Variants in SIPA1L3 observed in about 807,000 individuals in gnomAD.
The protein encoded by SIPA1L3 is signal-induced proliferation-associated 1-like protein 3.
In SIPA1L3, 59 loss-of-function variants were observed where a neutral mutation model predicts 150.1. The observed-to-expected ratio is 0.39, with a 90% CI of 0.32 to 0.49. The LOEUF (loss-of-function observed/expected upper bound fraction) is 0.49, where lower values mean the gene tolerates loss of function less well. Ranked by LOEUF, SIPA1L3 falls within the 20% of genes least tolerant of loss-of-function variation. The pLI is 0.86. For missense variants in SIPA1L3, 2,211 were observed against 2,489.5 expected (o/e 0.89, Z 2.38); for synonymous variants, 1,070 against 1,077.6 (o/e 0.99, Z 0.14).
intron 19 of SIPA1L3, among the ~76,000 whole-genome samples, chr19:38,199,311 T>A (rs1046471409): frequency 5.9e-5 from 9 of 152,192 alleles, no homozygotes; most frequent in Admixed American, 3.9e-4. Flanking sequence ...GGTCTCTCCC[T>A]GGAGACCCAG....
At chr19:38,099,445 G>A (rs1448688446) in intron 4 of SIPA1L3, among the ~76,000 whole-genome samples, 1 of 151,648 alleles carries the variant, frequency 6.6e-6, no homozygotes, top group Non-Finnish European at 1.5e-5. Flanking sequence ...AGCATTTACA[G>A]TAATGTGTAC....
intron 1 of SIPA1L3, among the ~76,000 whole-genome samples, chr19:38,011,434 C>T (rs149970806): frequency 1.1e-4 from 17 of 152,292 alleles, no homozygotes; most frequent in Admixed American, 7.8e-4. Flanking sequence ...CATGATTGCA[C>T]CACTTCACTC....
chr19:38,110,410 G>T lies in SIPA1L3; in HGVS notation c.2291+26G>T, dbSNP rs1488747421. On this transcript the variant is annotated intron_variant, in intron 8 of 21. Transcript: ENST00000222345. Reference sequence around the variant, plus strand: ...GTATGCCCCCCACACCCGGCCCCCAGCAGCGTATGGAGAGAGGGGCAGGCA... The same window carrying T: ...GTATGCCCCCCACACCCGGCCCCCATCAGCGTATGGAGAGAGGGGCAGGCA... 1.9e-6 allele frequency: 3 copies of T among 1,600,976 alleles called. No individual in the cohort carries two copies. In the Admixed American group the frequency reaches 5.0e-5, roughly 27 times the overall value.
intron 1 of SIPA1L3, among the ~76,000 whole-genome samples, chr19:38,025,455 C>T (rs920737046): frequency 6.6e-6 from 1 of 152,202 alleles, no homozygotes; most frequent in East Asian, 1.9e-4. Context: ...GCTGCCGTTT[C>T]CACGGCCCTT....
chr19:38,123,112 C>T (rs1329673179), intron 9 of SIPA1L3, among the ~76,000 whole-genome samples: 3 of 152,296 alleles, frequency 2.0e-5, no homozygotes, highest in Non-Finnish European at 2.9e-5. Flanking sequence ...GCCAGCTCTG[C>T]GTCAGACCCT....
In SIPA1L3 at chr19:38,164,210, G is replaced by T. The variant is rs111619293; in HGVS notation, c.3781-269G>T. 3.9e-5 allele frequency among the ~76,000 whole-genome samples: 6 copies of T among 152,164 alleles called. No individual in the cohort carries two copies. The highest frequency in any genetic ancestry group is 1.2e-4 in the African/African-American group (5 of 41,438). On this transcript the variant is annotated intron_variant, in intron 14 of 21. Transcript: ENST00000222345. The surrounding 1 kb of genome is among the most constrained non-coding windows in gnomAD (Gnocchi z 4.1). Reference sequence around the variant, plus strand: ...GTCTTAGATTCGCTGAGTCTGAGATGTGGGAAGCATGTTCTGTGCCTGATG... The same window carrying T: ...GTCTTAGATTCGCTGAGTCTGAGATTTGGGAAGCATGTTCTGTGCCTGATG...
chr19:38,107,094 C>T (rs1277940583), intron 7 of SIPA1L3, among the ~76,000 whole-genome samples: 2 of 152,234 alleles, frequency 1.3e-5, no homozygotes, highest in African/African-American at 2.4e-5. Context: ...CCCCATTTCT[C>T]ACCTCCACTT....
At chr19:38,101,793 C>G (rs1473812643) in intron 6 of SIPA1L3, among the ~76,000 whole-genome samples, 1 of 151,946 alleles carries the variant, frequency 6.6e-6, no homozygotes, top group African/African-American at 2.4e-5. Context: ...CTCCTGCACT[C>G]CTAGGTATGC....
At chr19:38,156,251 A>G (rs2145968053) in intron 13 of SIPA1L3, among the ~76,000 whole-genome samples, 1 of 152,040 alleles carries the variant, frequency 6.6e-6, no homozygotes, top group African/African-American at 2.4e-5. Context: ...AGACAGATAG[A>G]TTTGGATCCC....
At chr19:38,198,558 C>T in intron 19 of SIPA1L3, 26 bp downstream of exon 19, 1 of 1,481,756 alleles carries the variant, frequency 6.7e-7, no homozygotes, top group Non-Finnish European at 9.0e-7. Context: ...CCAGTCCCGC[C>T]AGGCCCCCAC....
chr19:38,142,436 G>T, intron 11 of SIPA1L3, 137 bp from the exon 12 acceptor site: 1 of 934,254 alleles, frequency 1.1e-6, no homozygotes, highest in East Asian at 2.5e-5. Context: ...CAGAAGGGAT[G>T]TGGCTGGGCG....
At chr19:38,184,049 G>T (rs1018883080) in intron 16 of SIPA1L3, among the ~76,000 whole-genome samples, 5 of 152,186 alleles carry the variant, frequency 3.3e-5, no homozygotes, top group South Asian at 4.1e-4. Flanking sequence ...TTGTTTTTCA[G>T]TCGGAGGATA....
intron 1 of SIPA1L3, among the ~76,000 whole-genome samples, chr19:37,959,246 C>T (rs910437889): frequency 2.0e-5 from 3 of 152,162 alleles, no homozygotes; most frequent in Non-Finnish European, 4.4e-5. Flanking sequence ...TAGCGTTATT[C>T]GTAACCCCAG....
chr19:38,186,347 C>G (rs1972676904), intron 16 of SIPA1L3: 1 of 151,886 alleles, frequency 6.6e-6, no homozygotes, highest in Admixed American at 6.6e-5. Context: ...GAGTGTTGCT[C>G]TGTTGCCCAG....
At chr19:37,909,560 A>G (rs535892343) in intron 1 of SIPA1L3, among the ~76,000 whole-genome samples, 2 of 152,276 alleles carry the variant, frequency 1.3e-5, no homozygotes, top group African/African-American at 2.4e-5. Context: ...AAACCTATGT[A>G]ACATATGTAT....
intron 2 of SIPA1L3, among the ~76,000 whole-genome samples, chr19:38,066,040 G>T (rs920797025): frequency 6.8e-6 from 1 of 146,502 alleles, no homozygotes; most frequent in African/African-American, 2.5e-5. Flanking sequence ...TTGAGGCAAC[G>T]TCTTGCTCTG....
chr19:37,986,708 G>A (rs888448224), intron 1 of SIPA1L3, among the ~76,000 whole-genome samples: 2 of 152,120 alleles, frequency 1.3e-5, no homozygotes, highest in Non-Finnish European at 2.9e-5. Flanking sequence ...TGTTTACAAC[G>A]TGCCCGTGCC....
intron 8 of SIPA1L3, among the ~76,000 whole-genome samples, chr19:38,111,434 A>G (rs1230948123): frequency 1.1e-4 from 16 of 152,110 alleles, no homozygotes; most frequent in Admixed American, 1.0e-3. Flanking sequence ...ACTGATGGGT[A>G]TTACGGTTGT....
At chr19:38,025,426 G>A (rs1968485509) in intron 1 of SIPA1L3, among the ~76,000 whole-genome samples, 2 of 152,182 alleles carry the variant, frequency 1.3e-5, no homozygotes, top group African/African-American at 4.8e-5. Flanking sequence ...CTGGATTCCC[G>A]GATCTGTAGC....
Sources: allele counts gnomAD v4.1 joint callset (sites outside exome capture counted in the v4.1 genomes callset), GRCh38; gene constraint gnomAD v4.1.1; non-coding constraint Gnocchi (gnomAD v3.1); transcripts MANE v1.5; gene names NCBI Gene and HGNC (gene_info 2026-07-23, HGNC 2026-07-21).